Variants in RGSL1 observed in about 807,000 individuals in gnomAD.
RGSL1 encodes regulator of G protein signaling like 1.
In RGSL1, 97 loss-of-function variants were observed where a neutral mutation model predicts 124.7. The ratio of observed to expected loss-of-function variants is 0.78; its 90% CI spans 0.66 to 0.92. The LOEUF (loss-of-function observed/expected upper bound fraction) is 0.92, where lower values mean the gene tolerates loss of function less well. RGSL1 is among the 40% of genes least tolerant of loss of function. The pLI is 0.00. For synonymous variants in RGSL1, 424 were observed against 438.1 expected, an observed-to-expected ratio of 0.97 and a Z score of 0.40; for missense variants, 1,233 against 1,288.4, an observed-to-expected ratio of 0.96 and a Z score of 0.66.
chr1:182,517,536 A>G (rs572831278), intron 9 of RGSL1, among the ~76,000 whole-genome samples: 3 of 151,980 alleles, frequency 2.0e-5, no homozygotes, highest in South Asian at 4.2e-4. Context: ...ATCACTTTCT[A>G]TATCTTGTAG....
At chr1:182,501,358 C>T (rs554969440) in intron 9 of RGSL1, among the ~76,000 whole-genome samples, 11 of 109,470 alleles carry the variant, frequency 1.0e-4, no homozygotes, top group African/African-American at 3.5e-4. Flanking sequence ...CTTGCTCTGT[C>T]GCCCAGGCTG....
chr1:182,532,669 G>T lies in RGSL1; in HGVS notation c.2372G>T (p.Gly791Val). 6 of 1,550,626 alleles carry T rather than the reference G, an allele frequency of 3.9e-6. No individual in the cohort carries two copies. Among genetic ancestry groups the T allele is most frequent in the Non-Finnish European group, 4.4e-6 (5 of 1,146,262 alleles). ...STYLQESQKK[G>V]WMRMISFIRS... ...TCCTCTTTCTTTCCCCAGAAGAAAG[G>T]CTGGATGAGAATGATCAGCTTTATC... is the stretch of plus-strand genomic sequence containing the variant. The change falls in exon 14 of 22, where the codon GGC becomes GTC. Residue 791 changes from glycine (G) to valine (V), a missense_variant. Transcript: ENST00000294854.
chr1:182,451,362 G>A (rs1254694673), intron 1 of RGSL1, among the ~76,000 whole-genome samples: 1 of 152,098 alleles, frequency 6.6e-6, no homozygotes, highest in South Asian at 2.1e-4. Flanking sequence ...GAGGATATAC[G>A]TGATGGTATA....
Position 182,538,326 on chromosome 1 carries a change from G to A in RGSL1, c.2495-1921G>A, listed in dbSNP as rs558748953. Among the ~76,000 whole-genome samples the A allele has an allele frequency of 2.8e-4, 43 of 152,100 alleles. No individual in the cohort carries two copies. In the East Asian group the frequency reaches 6.8e-3, roughly 24 times the overall value. ...GTGTATCACCAGAGGTCAGGTGTTCGAGACCAGCCTGACCAATATGGTGAC... is the reference window on the plus strand; with the variant it reads ...GTGTATCACCAGAGGTCAGGTGTTCAAGACCAGCCTGACCAATATGGTGAC... On this transcript the variant is annotated intron_variant, in intron 14 of 21. Transcript: ENST00000294854.
At chr1:182,523,518 C>T (rs1009239361) in intron 10 of RGSL1, among the ~76,000 whole-genome samples, 1 of 152,146 alleles carries the variant, frequency 6.6e-6, no homozygotes, top group Admixed American at 6.5e-5. Flanking sequence ...TGTAGAAATA[C>T]TTATTTTCCA....
At chr1:182,518,036 T>C (rs1249463230) in intron 9 of RGSL1, among the ~76,000 whole-genome samples, 2 of 133,752 alleles carry the variant, frequency 1.5e-5, no homozygotes, top group Non-Finnish European at 3.2e-5. Flanking sequence ...TGCTTAGAGG[T>C]TTTTTGTTGT....
Position 182,523,721 on chromosome 1 carries a change from T to A in RGSL1, c.1931+1612T>A, listed in dbSNP as rs113181110. Among the ~76,000 whole-genome samples, 490 of 152,342 alleles carry A rather than the reference T, an allele frequency of 3.2e-3. 4 individuals are homozygous for A. Among genetic ancestry groups the A allele is most frequent in the African/African-American group, 0.011 (469 of 41,586 alleles). The stretch of plus-strand genomic sequence containing the variant: ...ACCCCTTATTCAATAAGTAAATGAC[T>A]ATTGATTATATACTGTATTCTAGAC... On this transcript the variant is annotated intron_variant, in intron 10 of 21. Transcript: ENST00000294854.
chr1:182,458,861 G>A (rs910806767), intron 3 of RGSL1, among the ~76,000 whole-genome samples: 7 of 152,204 alleles, frequency 4.6e-5, no homozygotes, highest in Non-Finnish European at 7.3e-5. Flanking sequence ...AAGCAGGTGA[G>A]TAGAACAGAC....
rs188543140 is a variant in RGSL1, at chr1:182,541,626, A to C, written c.2669+1205A>C. Among the ~76,000 whole-genome samples, 164 of 152,226 alleles carry C rather than the reference A, an allele frequency of 1.1e-3. 1 individual carries two copies. Among genetic ancestry groups the C allele is most frequent in the African/African-American group, 3.6e-3 (151 of 41,536 alleles). The stretch of plus-strand genomic sequence containing the variant: ...GATTGCTGGATGACATGGTAGTTCT[A>C]CTTTTAGCTTTTTGAGGAAGCTCCA... On this transcript the variant is annotated intron_variant, in intron 15 of 21. Transcript: ENST00000294854.
chr1:182,477,194 C>T (rs1416248313), intron 6 of RGSL1, among the ~76,000 whole-genome samples: 2 of 152,182 alleles, frequency 1.3e-5, no homozygotes, highest in African/African-American at 4.8e-5. Flanking sequence ...AAAAAGCAGT[C>T]TCATGCTTCT....
Position 182,532,932 on chromosome 1 carries a change from C to T in RGSL1, c.2494+141C>T, listed in dbSNP as rs1469427584. On this transcript the variant is annotated intron_variant, in intron 14 of 21. Coordinates refer to ENST00000294854, the MANE Select transcript of RGSL1 (RefSeq NM_001137669.2). The stretch of plus-strand genomic sequence containing the variant: ...AAAAACCCAGGTCCTGTGTGCAAAG[C>T]CAGGCCCAGGCCTTCCTAGAGAGGA... 7.2e-6 allele frequency: 6 copies of T among 832,088 alleles called. No individual in the cohort carries two copies. In the African/African-American group the frequency reaches 8.6e-5, roughly 12 times the overall value. 51.5% of individuals were successfully genotyped at this position (832,088 alleles called of 1,614,324 possible). A position where few individuals can be genotyped will look rare whatever the true frequency, so the allele number is the denominator to read the frequency against.
intron 6 of RGSL1, among the ~76,000 whole-genome samples, chr1:182,487,556 G>A (rs932427047): frequency 6.6e-6 from 1 of 152,192 alleles, no homozygotes; most frequent in Non-Finnish European, 1.5e-5. Context: ...AAGGTGCACA[G>A]TTAGATTAAA....
intron 15 of RGSL1, among the ~76,000 whole-genome samples, chr1:182,547,956 T>G (rs1660321623): frequency 6.6e-6 from 1 of 152,324 alleles, no homozygotes; most frequent in Admixed American, 6.5e-5. Context: ...GGGACCTGCC[T>G]GCATCTCAGG....
intron 4 of RGSL1, among the ~76,000 whole-genome samples, chr1:182,468,645 G>A (rs1653553066): frequency 6.6e-6 from 1 of 152,110 alleles, no homozygotes; most frequent in East Asian, 1.9e-4. Context: ...ATAGCATTAG[G>A]AGATCTACCT....
At chr1:182,461,453 C>T (rs959100239) in intron 4 of RGSL1, among the ~76,000 whole-genome samples, 2 of 150,966 alleles carry the variant, frequency 1.3e-5, no homozygotes, top group Admixed American at 1.3e-4. Context: ...AAAAAAAAAT[C>T]AGAAGGCACA....
intron 6 of RGSL1, among the ~76,000 whole-genome samples, chr1:182,478,389 G>T (rs1175928779): frequency 6.6e-6 from 1 of 152,164 alleles, no homozygotes; most frequent in Non-Finnish European, 1.5e-5. Context: ...AAATCCTGGA[G>T]CTGACAAATA....
At chr1:182,450,518 G>T in intron 1 of RGSL1, 1 of 342,402 alleles carries the variant, frequency 2.9e-6, no homozygotes, top group Non-Finnish European at 5.5e-6. Flanking sequence ...ATATTATTAT[G>T]GCGTGGAATG....
intron 9 of RGSL1, among the ~76,000 whole-genome samples, chr1:182,501,307 C>CTTTTTTTTTTTTTTTTTTT (rs141279993): frequency 8.2e-5 from 5 of 61,342 alleles, no homozygotes; most frequent in East Asian, 1.2e-3. Flanking sequence ...TTTTTCTTTT[C>CTTTTTTTTTTTTTTTTTTT]TTTTTTTTTT....
intron 14 of RGSL1, among the ~76,000 whole-genome samples, chr1:182,538,050 G>A (rs76663761): frequency 1.6e-3 from 248 of 152,256 alleles, no homozygotes; most frequent in African/African-American, 5.9e-3. Context: ...GTGGTAAAGT[G>A]GGGCAAGAGT....
Sources: allele counts gnomAD v4.1 joint callset (sites outside exome capture counted in the v4.1 genomes callset), GRCh38; gene constraint gnomAD v4.1.1; transcripts MANE v1.5; gene names NCBI Gene and HGNC (gene_info 2026-07-23, HGNC 2026-07-21).